PCDH11Y: variants seen among roughly 807,000 people sequenced by gnomAD.
PCDH11Y encodes protocadherin 11 Y-linked.
For missense variants in PCDH11Y, 12 were observed against 224.8 expected (o/e 0.05, Z 6.05); for synonymous variants, 9 against 83.6 (o/e 0.11, Z 4.87).
chrY:5,723,360 A>G, intron 4 of PCDH11Y, among the ~76,000 whole-genome samples: 1 of 31,933 alleles, frequency 3.1e-5, no homozygotes, highest in African/African-American at 1.2e-4. Context: ...AGTAAATAGT[A>G]AATATAGGTA....
intron 4 of PCDH11Y, among the ~76,000 whole-genome samples, chrY:5,599,175 C>T: frequency 9.5e-5 from 3 of 31,651 alleles, no homozygotes; most frequent in Non-Finnish European, 1.5e-4. Context: ...GTAACTCCCC[C>T]AAATACCCAA....
chrY:5,406,040 A>C, intron 2 of PCDH11Y, among the ~76,000 whole-genome samples: 1 of 32,231 alleles, frequency 3.1e-5, no homozygotes, highest in Non-Finnish European at 7.6e-5. Context: ...GAAAAGTCAT[A>C]TGTTGGACAA....
chrY:5,234,692 A>G, intron 2 of PCDH11Y, among the ~76,000 whole-genome samples: 1 of 32,507 alleles, frequency 3.1e-5, no homozygotes, highest in Non-Finnish European at 7.5e-5. Context: ...AAAAATGAAT[A>G]TGATAGGAAT....
At chrY:5,298,324 A>G in intron 2 of PCDH11Y, among the ~76,000 whole-genome samples, 1 of 33,350 alleles carries the variant, frequency 3.0e-5, no homozygotes, top group Non-Finnish European at 7.4e-5. Flanking sequence ...TGAGGCAAGT[A>G]GCACCTTTAA....
At chrY:5,360,519 A>G (rs2053173731) in intron 2 of PCDH11Y, among the ~76,000 whole-genome samples, 2 of 32,982 alleles carry the variant, frequency 6.1e-5, no homozygotes, top group Admixed American at 5.8e-4. Flanking sequence ...TAAAGATGAC[A>G]TATGCAAAAA....
chrY:5,020,672 C>G (rs2052568485), intron 1 of PCDH11Y, among the ~76,000 whole-genome samples: 1 of 33,238 alleles, frequency 3.0e-5, no homozygotes, highest in African/African-American at 1.2e-4. Context: ...GTGTGAGGCT[C>G]TAGATGTTAA....
chrY:5,444,851 T>C, intron 2 of PCDH11Y, among the ~76,000 whole-genome samples: 1 of 33,139 alleles, frequency 3.0e-5, no homozygotes, highest in Non-Finnish European at 7.5e-5. Context: ...TAAATAGATT[T>C]CTATTCATCA....
intron 2 of PCDH11Y, among the ~76,000 whole-genome samples, chrY:5,351,476 C>A: frequency 3.2e-5 from 1 of 31,198 alleles, no homozygotes; most frequent in Non-Finnish European, 7.7e-5. Flanking sequence ...AGTTTCATTG[C>A]CAATGATGTC....
intron 2 of PCDH11Y, among the ~76,000 whole-genome samples, chrY:5,255,747 G>A (rs2053009996): frequency 3.0e-5 from 1 of 33,270 alleles, no homozygotes. Context: ...TAATTGGGGT[G>A]ACATTATATC....
At chrY:5,143,135 T>C (rs2052852836) in intron 2 of PCDH11Y, among the ~76,000 whole-genome samples, 1 of 32,837 alleles carries the variant, frequency 3.0e-5, no homozygotes, top group Admixed American at 2.8e-4. Context: ...AAGAGAACCT[T>C]ATCAGGAAGA....
chrY:5,228,432 T>G, intron 2 of PCDH11Y, among the ~76,000 whole-genome samples: 1 of 32,783 alleles, frequency 3.1e-5, no homozygotes, highest in Non-Finnish European at 7.5e-5. Flanking sequence ...TTATTTGTGC[T>G]CTGGTATTTA....
intron 1 of PCDH11Y, among the ~76,000 whole-genome samples, chrY:5,094,382 G>C (rs2052746754): frequency 3.1e-5 from 1 of 31,863 alleles, no homozygotes; most frequent in Admixed American, 2.9e-4. Flanking sequence ...AGCTCATGTT[G>C]GTACTATACT....
intron 2 of PCDH11Y, among the ~76,000 whole-genome samples, chrY:5,234,964 T>C: frequency 3.2e-5 from 1 of 31,662 alleles, no homozygotes. Flanking sequence ...CATCTCTCAT[T>C]TTTCTTCTTA....
chrY:5,395,542 G>A (rs2124676383), intron 2 of PCDH11Y, among the ~76,000 whole-genome samples: 8 of 32,926 alleles, frequency 2.4e-4, no homozygotes, highest in Non-Finnish European at 5.9e-4. Context: ...TAGCTCTGCT[G>A]TTGAAGAACA....
chrY:5,094,017 A>G (rs2052745957), intron 1 of PCDH11Y, among the ~76,000 whole-genome samples: 1 of 33,490 alleles, frequency 3.0e-5, no homozygotes, highest in Non-Finnish European at 7.6e-5. Context: ...GTTTGCCCCT[A>G]TACACAGAAA....
intron 2 of PCDH11Y, among the ~76,000 whole-genome samples, chrY:5,440,824 G>A (rs958135677): frequency 1.1e-4 from 3 of 28,366 alleles, no homozygotes; most frequent in Non-Finnish European, 2.6e-4. Flanking sequence ...TAAAATGATA[G>A]AACAGTTGAT....
intron 2 of PCDH11Y, among the ~76,000 whole-genome samples, chrY:5,354,438 C>CT: frequency 3.1e-5 from 1 of 32,290 alleles, no homozygotes; most frequent in African/African-American, 1.2e-4. Context: ...CTGTACCTGT[C>CT]TTTTTTCAAA....
chrY:5,034,799 A>G, intron 3 of PCDH11Y, among the ~76,000 whole-genome samples: 3 of 29,394 alleles, frequency 1.0e-4, no homozygotes, highest in African/African-American at 3.9e-4. Context: ...TCTTATGCTT[A>G]TTCAAATTTT....
intron 2 of PCDH11Y, among the ~76,000 whole-genome samples, chrY:5,428,464 A>T: frequency 6.1e-5 from 2 of 32,970 alleles, no homozygotes; most frequent in Non-Finnish European, 1.5e-4. Context: ...TCACTGGAAG[A>T]TCTTCAGAGG....
Sources: gnomAD v4.1 joint callset for allele counts (sites outside exome capture counted in the v4.1 genomes callset) on GRCh38, gnomAD v4.1.1 for gene constraint, MANE v1.5 for transcripts, NCBI Gene and HGNC (gene_info 2026-07-23, HGNC 2026-07-21) for gene names.